Variants in EPN1 observed in about 807,000 individuals in gnomAD.
EPN1 encodes the protein epsin-1.
In EPN1, 25 loss-of-function variants were observed where a neutral mutation model predicts 56.9. The ratio of observed to expected loss-of-function variants is 0.44; its 90% CI spans 0.32 to 0.61. The LOEUF (loss-of-function observed/expected upper bound fraction) is 0.61, where lower values mean the gene tolerates loss of function less well. Ranked by LOEUF, EPN1 falls within the 20% of genes least tolerant of loss-of-function variation. The pLI is 0.05. For synonymous variants in EPN1, 411 were observed against 361.8 expected (o/e 1.14, Z -1.54); for missense variants, 785 against 823.7 (o/e 0.95, Z 0.58).
chr19:55,708,956 GT>G lies in EPN1; in HGVS notation c.*13601del. ...ATCTTGTATTCCTCGTCAATCCAAG[GT>G]CCATGTGAAATGGTCAGATGGGGAA... On this transcript the variant is annotated 3_prime_UTR_variant, in exon 11 of 11. Coordinates refer to ENST00000270460, the MANE Select transcript of EPN1 (RefSeq NM_001130072.2). 1 of 1,586,160 alleles carries G rather than the reference GT, an allele frequency of 6.3e-7. No homozygotes were observed.
At chr19:55,690,853 T>C (rs529142431) in intron 6 of EPN1, among the ~76,000 whole-genome samples, 133 of 152,174 alleles carry the variant, frequency 8.7e-4, no homozygotes, top group African/African-American at 3.0e-3. Flanking sequence ...AAAGCCTCTT[T>C]AGGTTGGCCT....
chr19:55,679,366 G>A (rs1416005408), intron 2 of EPN1, among the ~76,000 whole-genome samples: 2 of 152,222 alleles, frequency 1.3e-5, no homozygotes, highest in East Asian at 3.8e-4. Context: ...CTCGTGTTAC[G>A]GCAAAGTGGC....
chr19:55,691,574 A>G lies in EPN1; in HGVS notation c.763-180A>G, dbSNP rs1196926310. On this transcript the variant is annotated intron_variant, in intron 6 of 10. Transcript: ENST00000270460. This position sits in a 1 kb window ranked among gnomAD's most constrained non-coding sequence, Gnocchi z 5.6. ...TGGGCAGGGGTGGGCCGACCCCATG[A>G]CGGATGAGGAGGGAGGCCAGGTGGT... Among the ~76,000 whole-genome samples the G allele has an allele frequency of 6.6e-6, 1 of 151,866 alleles. No homozygotes were observed. Among genetic ancestry groups the G allele is most frequent in the African/African-American group, 2.4e-5 (1 of 41,336 alleles).
At chr19:55,693,242 A>T (rs969985320) in intron 9 of EPN1, 2 of 563,992 alleles carry the variant, frequency 3.5e-6, no homozygotes, top group Non-Finnish European at 6.3e-6. Flanking sequence ...TTGCAGACTT[A>T]GAGAAAAACT....
At position 55,695,623 on chromosome 19, in the gene EPN1, T is replaced by G. The variant is rs1021951415; in HGVS notation, c.*267T>G. On this transcript the variant is annotated 3_prime_UTR_variant, in exon 11 of 11. Coordinates refer to ENST00000270460, the MANE Select transcript of EPN1 (RefSeq NM_001130072.2). This position sits in a 1 kb window ranked among gnomAD's most constrained non-coding sequence, Gnocchi z 4.4. ...GAGGGGTGGCTGGGGCCCCCACCCATTCCCCCTCCCTCCAAACTCCCAACC... is the reference window on the plus strand; with the variant it reads ...GAGGGGTGGCTGGGGCCCCCACCCAGTCCCCCTCCCTCCAAACTCCCAACC... 3.1e-5 allele frequency: 14 copies of G among 452,722 alleles called. No homozygotes were observed. The highest frequency in any genetic ancestry group is 3.8e-5 in the East Asian group (1 of 26,480). 28.0% of individuals were successfully genotyped at this position (452,722 alleles called of 1,614,324 possible).
In EPN1 at chr19:55,705,702, A is replaced by G. The variant is rs1987356474; in HGVS notation, c.*10346A>G. ...ATCAGAGTCAAGTTAATAAAGGCCA[A>G]AGGTAGAGAAAATCTTGAAAGTATC... is the stretch of plus-strand genomic sequence containing the variant. On this transcript the variant is annotated 3_prime_UTR_variant, in exon 11 of 11. Transcript: ENST00000270460. 6.6e-6 allele frequency: 1 copy of G among 151,866 alleles called. No individual in the cohort carries two copies. The highest frequency in any genetic ancestry group is 2.4e-5 in the African/African-American group (1 of 41,298). The allele number at this position is 151,866 out of a possible 1,614,324, so 9.4% of individuals were successfully genotyped here. A position where few individuals can be genotyped will look rare whatever the true frequency, so the allele number is the denominator to read the frequency against.
chr19:55,678,892 G>T, intron 2 of EPN1, 37 bp downstream of exon 2: 5 of 1,479,022 alleles, frequency 3.4e-6, no homozygotes, highest in Non-Finnish European at 3.7e-6. Context: ...CAGGTGCAGG[G>T]GCTCAGGTGG....
In EPN1 at chr19:55,704,349, A is replaced by G. The variant is rs1987292238; in HGVS notation, c.*8993A>G. 2 of 152,206 alleles carry G rather than the reference A, an allele frequency of 1.3e-5. No individual in the cohort carries two copies. The highest frequency in any genetic ancestry group is 1.3e-4 in the Admixed American group (2 of 15,280). The allele number at this position is 152,206 out of a possible 1,614,324, so 9.4% of individuals were successfully genotyped here. On this transcript the variant is annotated 3_prime_UTR_variant, in exon 11 of 11. Transcript: ENST00000270460. ...TACCCCAGAATGGGGCTGTATTTGGAGACAGGGCCTTTACAAGGTAAGTAA... is the reference window on the plus strand; with the variant it reads ...TACCCCAGAATGGGGCTGTATTTGGGGACAGGGCCTTTACAAGGTAAGTAA...
intron 3 of EPN1, among the ~76,000 whole-genome samples, chr19:55,686,877 T>C (rs947847299): frequency 2.7e-5 from 4 of 147,010 alleles, no homozygotes; most frequent in Admixed American, 6.8e-5. Context: ...CGGAGGAGAG[T>C]GGGAGCCTCA....
At chr19:55,682,575 C>T (rs139391505) in intron 2 of EPN1, among the ~76,000 whole-genome samples, 8 of 152,092 alleles carry the variant, frequency 5.3e-5, no homozygotes, top group African/African-American at 7.2e-5. Context: ...TGTGCCACCA[C>T]GCCTAGCTAA....
Position 55,709,473 on chromosome 19 carries a change from C to T in EPN1, c.*14117C>T, listed in dbSNP as rs1987613002. 1 of 152,498 alleles carries T rather than the reference C, an allele frequency of 6.6e-6. No individual in the cohort carries two copies. Among genetic ancestry groups the T allele is most frequent in the African/African-American group, 2.4e-5 (1 of 41,434 alleles). The allele number at this position is 152,498 out of a possible 1,614,324, so 9.4% of individuals were successfully genotyped here. A position where few individuals can be genotyped will look rare whatever the true frequency, so the allele number is the denominator to read the frequency against. On this transcript the variant is annotated 3_prime_UTR_variant, in exon 11 of 11. Transcript: ENST00000270460. Reference sequence around the variant, plus strand: ...TTCTACAATTACCAATATTCAGCCTCTTCCATTTACAACCTGCCCATTTTC... The same window carrying T: ...TTCTACAATTACCAATATTCAGCCTTTTCCATTTACAACCTGCCCATTTTC...
rs916266659 is a variant in EPN1 at position 55,703,597 on chromosome 19, T to TA, written c.*8242dup. 5.3e-5 allele frequency: 8 copies of TA among 152,332 alleles called. No homozygotes were observed. The highest frequency in any genetic ancestry group is 1.9e-4 in the African/African-American group (8 of 41,568). 9.4% of individuals were successfully genotyped at this position (152,332 alleles called of 1,614,324 possible). Reference sequence around the variant, plus strand: ...CCTCGGCCCCCCAAAGTACTGGGATTACAGGCGTGAGCCACTGGGCGCAGC... The same window carrying TA: ...CCTCGGCCCCCCAAAGTACTGGGATTAACAGGCGTGAGCCACTGGGCGCAGC... On this transcript the variant is annotated 3_prime_UTR_variant, in exon 11 of 11. Coordinates refer to ENST00000270460, the MANE Select transcript of EPN1 (RefSeq NM_001130072.2).
chr19:55,684,325 C>T (rs193143598), intron 2 of EPN1, among the ~76,000 whole-genome samples: 2 of 152,164 alleles, frequency 1.3e-5, no homozygotes, highest in East Asian at 3.9e-4. Context: ...CCCTGGAATC[C>T]CCTGCAGAAT....
chr19:55,691,899 C>T lies in EPN1; in HGVS notation c.908C>T (p.Pro303Leu), dbSNP rs1273826636. 1 of 1,598,304 alleles carries T rather than the reference C, an allele frequency of 6.3e-7. No homozygotes were observed. Among genetic ancestry groups the T allele is most frequent in the South Asian group, 1.1e-5 (1 of 89,924 alleles). ...SDPWGGPPVPPAADPWGGPAP... is the reference protein window; with the variant it reads ...SDPWGGPPVPLAADPWGGPAP... ...CCCTGGGGCGGCCCCCCTGTCCCTC[C>T]AGCTGCTGATCCCTGGGGAGGTCCA... The change falls in exon 7 of 11, where the codon CCA becomes CTA. Residue 303 changes from proline (P) to leucine (L), a missense_variant. Coordinates refer to ENST00000270460, the MANE Select transcript of EPN1 (RefSeq NM_001130072.2). This position sits in a 1 kb window ranked among gnomAD's most constrained non-coding sequence, Gnocchi z 5.6.
Position 55,696,760 on chromosome 19 carries a change from GT to G in EPN1, c.*1405del, listed in dbSNP as rs1397144876. 1 of 152,334 alleles carries G rather than the reference GT, an allele frequency of 6.6e-6. No individual in the cohort carries two copies. The highest frequency in any genetic ancestry group is 1.5e-5 in the Non-Finnish European group (1 of 68,106). The allele number at this position is 152,334 out of a possible 1,614,324, so 9.4% of individuals were successfully genotyped here. ...CCGAGCAGCGTCGTGGCCACCCTGT[GT>G]GCCCACTCCCTGGTGGACAGACCTA... is the stretch of plus-strand genomic sequence containing the variant. On this transcript the variant is annotated 3_prime_UTR_variant, in exon 11 of 11. Coordinates refer to ENST00000270460, the MANE Select transcript of EPN1 (RefSeq NM_001130072.2).
Position 55,706,277 on chromosome 19 carries a change from C to CTTTTTTTTTTTTTTTTTTTTTTT in EPN1, c.*10923_*10924insTTTTTTTTTTTTTTTTTTTTTTT, listed in dbSNP as rs1568587726. The CTTTTTTTTTTTTTTTTTTTTTTT allele has an allele frequency of 4.1e-5, 4 of 98,532 alleles. No homozygotes were observed. The highest frequency in any genetic ancestry group is 6.6e-5 in the African/African-American group (1 of 15,248). 6.1% of individuals were successfully genotyped at this position (98,532 alleles called of 1,614,324 possible). ...TCTTTTCTTCCTTTCTTCTCTTTTT[C>CTTTTTTTTTTTTTTTTTTTTTTT]TTCTTCTTTTTTTTTTTTTTTTAAA... On this transcript the variant is annotated 3_prime_UTR_variant, in exon 11 of 11. Coordinates refer to ENST00000270460, the MANE Select transcript of EPN1 (RefSeq NM_001130072.2).
intron 3 of EPN1, among the ~76,000 whole-genome samples, chr19:55,686,646 C>T (rs1050455585): frequency 1.3e-5 from 2 of 152,098 alleles, no homozygotes; most frequent in African/African-American, 4.8e-5. Flanking sequence ...GCGACCCTGC[C>T]TGGGACTCCA....
At position 55,702,348 on chromosome 19, in the gene EPN1, AGT is replaced by A. The variant is rs1345223099; in HGVS notation, c.*6995_*6996del. 6.6e-6 allele frequency: 1 copy of A among 152,016 alleles called. No homozygotes were observed. The highest frequency in any genetic ancestry group is 1.5e-5 in the Non-Finnish European group (1 of 68,062). The allele number at this position is 152,016 out of a possible 1,614,324, so 9.4% of individuals were successfully genotyped here. ...ATCTGTGTGTGCTAAAAGGGGAGGG[AGT>A]GTTTCTGTGCCCATTCCCAGGCACC... On this transcript the variant is annotated 3_prime_UTR_variant, in exon 11 of 11. Coordinates refer to ENST00000270460, the MANE Select transcript of EPN1 (RefSeq NM_001130072.2).
intron 2 of EPN1, among the ~76,000 whole-genome samples, chr19:55,683,971 A>G (rs1373317498): frequency 1.3e-5 from 2 of 152,130 alleles, no homozygotes; most frequent in East Asian, 3.9e-4. Context: ...AACTCAGGAA[A>G]ATTCTGAATT....
Sources: allele counts gnomAD v4.1 joint callset (sites outside exome capture counted in the v4.1 genomes callset), GRCh38; gene constraint gnomAD v4.1.1; non-coding constraint Gnocchi (gnomAD v3.1); transcripts MANE v1.5; gene names NCBI Gene and HGNC (gene_info 2026-07-23, HGNC 2026-07-21).